Variants in CACNA1G observed in about 807,000 individuals in gnomAD.
CACNA1G encodes the protein voltage-dependent T-type calcium channel subunit alpha-1G.
A neutral mutation model predicts 219.4 loss-of-function variants in CACNA1G; 67 were observed. The ratio of observed to expected loss-of-function variants is 0.31; its 90% CI spans 0.25 to 0.37. The LOEUF is 0.37. Ranked by LOEUF, CACNA1G falls within the 10% of genes least tolerant of loss-of-function variation. The pLI is 1.00. For synonymous variants in CACNA1G, 1,296 were observed against 1,345.3 expected, an observed-to-expected ratio of 0.96 and a Z score of 0.80; for missense variants, 2,380 against 3,231.4, an observed-to-expected ratio of 0.74 and a Z score of 6.39.
chr17:50,609,273 G>C (rs973984027), intron 25 of CACNA1G, among the ~76,000 whole-genome samples: 31 of 152,252 alleles, frequency 2.0e-4, no homozygotes, highest in African/African-American at 7.2e-4. Context: ...TGAAGAGCGG[G>C]AGCTGCTCCA....
In CACNA1G at chr17:50,589,759, G is replaced by C. The variant is rs182065701; in HGVS notation, c.2302-712G>C. 8.5e-5 allele frequency among the ~76,000 whole-genome samples: 13 copies of C among 152,294 alleles called. No individual in the cohort carries two copies. The East Asian group carries it at 1.5e-3, about 18-fold the overall frequency. On this transcript the variant is annotated intron_variant, in intron 9 of 37. Coordinates refer to ENST00000359106, the MANE Select transcript of CACNA1G (RefSeq NM_018896.5). Reference sequence around the variant, plus strand: ...GGTCACAGAGTGAGTGACAGGATAGGCTGAGGATTAACCCGGGTGTCCCGG... The same window carrying C: ...GGTCACAGAGTGAGTGACAGGATAGCCTGAGGATTAACCCGGGTGTCCCGG...
At chr17:50,567,672 C>T in intron 1 of CACNA1G, among the ~76,000 whole-genome samples, 1 of 151,610 alleles carries the variant, frequency 6.6e-6, no homozygotes, top group East Asian at 1.9e-4. Context: ...TCCCCAATCT[C>T]CTGCTCTCTG....
chr17:50,587,248 T>G (rs1270736291), intron 9 of CACNA1G, among the ~76,000 whole-genome samples: 1 of 152,128 alleles, frequency 6.6e-6, no homozygotes, highest in African/African-American at 2.4e-5. Flanking sequence ...GAGGGTGATG[T>G]GACCTCCATC....
At chr17:50,593,510 C>T (rs1433161011) in intron 13 of CACNA1G, among the ~76,000 whole-genome samples, 1 of 152,264 alleles carries the variant, frequency 6.6e-6, no homozygotes, top group Non-Finnish European at 1.5e-5. Context: ...CAGCAAACAC[C>T]TTGTTAACTT....
At chr17:50,607,762 G>T (rs991319100) in intron 24 of CACNA1G, 65 bp from the exon 25 acceptor site, 1 of 1,429,814 alleles carries the variant, frequency 7.0e-7, no homozygotes, top group Non-Finnish European at 9.9e-7. Flanking sequence ...CCAGGCTGTG[G>T]GCAGCTCCTA....
At chr17:50,613,643 AC>A (rs2049762538) in intron 26 of CACNA1G, among the ~76,000 whole-genome samples, 1 of 152,216 alleles carries the variant, frequency 6.6e-6, no homozygotes, top group African/African-American at 2.4e-5. Context: ...GCTTTTTCTA[AC>A]CTAATTGTAT....
chr17:50,592,693 G>A (rs1313232854), intron 13 of CACNA1G, among the ~76,000 whole-genome samples: 1 of 152,136 alleles, frequency 6.6e-6, no homozygotes, highest in Non-Finnish European at 1.5e-5. Context: ...CCATGTCAGC[G>A]AGCAGCCTCT....
chr17:50,599,613 G>A lies in CACNA1G; in HGVS notation c.3444G>A (p.Glu1148=). 2 of 1,613,176 alleles carry A rather than the reference G, an allele frequency of 1.2e-6. No homozygotes were observed. The highest frequency in any genetic ancestry group is 8.5e-7 in the Non-Finnish European group (1 of 1,179,588). Residue 1148 remains glutamate, a synonymous_variant, in exon 17 of 38, where the codon GAG becomes GAA. Transcript: ENST00000359106. ...ESQDEEESSE[E]ERASPAGSDH... is the part of the protein sequence containing the mutation. ...AGGATGAAGAGGAGAGCTCAGAAGA[G>A]GAGCGGGCCAGCCCTGCGGGCAGTG...
intron 9 of CACNA1G, among the ~76,000 whole-genome samples, chr17:50,589,295 C>T (rs888291679): frequency 3.3e-5 from 5 of 152,114 alleles, no homozygotes; most frequent in African/African-American, 9.7e-5. Context: ...TCCACAAACC[C>T]TTAGGCATTC....
rs138854067 is a variant in CACNA1G, at chr17:50,594,699, A to G, written c.2911-294A>G. On this transcript the variant is annotated intron_variant, in intron 13 of 37. Coordinates refer to ENST00000359106, the MANE Select transcript of CACNA1G (RefSeq NM_018896.5). ...GGAGGCAGTTTCCCATGCCAGGCAC[A>G]CCCTTAATGAATGGTGGCTGTTATT... Among the ~76,000 whole-genome samples, 677 of 152,254 alleles carry G rather than the reference A, an allele frequency of 4.4e-3. 8 individuals carry two copies. The highest frequency in any genetic ancestry group is 0.015 in the African/African-American group (627 of 41,540).
chr17:50,599,212 G>T (rs931315547), intron 16 of CACNA1G, among the ~76,000 whole-genome samples: 2 of 152,212 alleles, frequency 1.3e-5, no homozygotes, highest in African/African-American at 4.8e-5. Flanking sequence ...TTACAGATGA[G>T]GAAACAGATG....
intron 9 of CACNA1G, among the ~76,000 whole-genome samples, chr17:50,584,808 G>A (rs922421784): frequency 6.6e-6 from 1 of 152,088 alleles, no homozygotes; most frequent in African/African-American, 2.4e-5. Flanking sequence ...GCAGAGTCCA[G>A]AAGGATTGAG....
Position 50,561,675 on chromosome 17 carries a change from C to T in CACNA1G, c.216C>T (p.Ser72=). The T allele has an allele frequency of 6.2e-7, 1 of 1,604,590 alleles. No individual in the cohort carries two copies. Among genetic ancestry groups the T allele is most frequent in the Non-Finnish European group, 8.5e-7 (1 of 1,175,608 alleles). Residue 72 remains serine, a synonymous_variant, in exon 1 of 38, where the codon AGC becomes AGT. Transcript: ENST00000359106. The part of the protein sequence containing the change: ...FYLSQDSRPR[S]WCLRTVCNPW... ...TGAGCCAGGACAGCCGCCCGCGGAG[C>T]TGGTGTCTCCGCACGGTCTGTAACC...
chr17:50,608,903 G>A (rs189739203), intron 25 of CACNA1G, among the ~76,000 whole-genome samples: 2 of 152,206 alleles, frequency 1.3e-5, no homozygotes, highest in Non-Finnish European at 2.9e-5. Context: ...TAATCTCCGC[G>A]CCTCTCTCTC....
intron 5 of CACNA1G, among the ~76,000 whole-genome samples, 183 bp from the exon 6 acceptor site, chr17:50,572,371 C>T (rs2039647606): frequency 6.6e-6 from 1 of 152,048 alleles, no homozygotes; most frequent in South Asian, 2.1e-4. Context: ...TGGAGTTTCC[C>T]CACTCAGGCC....
intron 9 of CACNA1G, among the ~76,000 whole-genome samples, chr17:50,586,324 T>A (rs1047033850): frequency 6.6e-6 from 1 of 152,112 alleles, no homozygotes; most frequent in Non-Finnish European, 1.5e-5. Context: ...CCTGCCGACC[T>A]TGTAGCCTTC....
intron 27 of CACNA1G, among the ~76,000 whole-genome samples, chr17:50,615,724 G>T (rs558230107): frequency 4.6e-5 from 7 of 152,270 alleles, no homozygotes; most frequent in Non-Finnish European, 1.0e-4. Context: ...TGTGGCCAAG[G>T]TCACACAGAA....
intron 9 of CACNA1G, among the ~76,000 whole-genome samples, chr17:50,581,582 G>T (rs2041976058): frequency 6.6e-6 from 1 of 152,176 alleles, no homozygotes; most frequent in Non-Finnish European, 1.5e-5. Flanking sequence ...GACTGAGGAA[G>T]CACCTATATG....
intron 1 of CACNA1G, 140 bp from the exon 2 acceptor site, chr17:50,568,730 C>T (rs1423312090): frequency 7.1e-6 from 5 of 700,376 alleles, no homozygotes; most frequent in Admixed American, 2.0e-5. Context: ...GGCTGGTCTG[C>T]GTGTATGTCA....
Sources: gnomAD v4.1 joint callset for allele counts (sites outside exome capture counted in the v4.1 genomes callset) on GRCh38, gnomAD v4.1.1 for gene constraint, MANE v1.5 for transcripts, NCBI Gene and HGNC (gene_info 2026-07-23, HGNC 2026-07-21) for gene names.